The following TRPM7 variants were observed in gnomAD, a reference collection of about 807,000 sequenced individuals.
TRPM7 encodes the protein transient receptor potential cation channel subfamily M member 7.
TRPM7 carries 134 observed loss-of-function variants against 229.7 expected under a neutral mutation model. The observed-to-expected ratio is 0.58, with a 90% CI of 0.51 to 0.67. TRPM7 has a LOEUF of 0.67. Ranked by LOEUF, TRPM7 falls within the 30% of genes least tolerant of loss-of-function variation. The pLI is 0.00. For missense variants in TRPM7, 1,901 were observed against 2,210.0 expected, an observed-to-expected ratio of 0.86 and a Z score of 2.80; for synonymous variants, 699 against 715.2, an observed-to-expected ratio of 0.98 and a Z score of 0.36.
At chr15:50,650,746 A>T (rs558368686) in intron 3 of TRPM7, among the ~76,000 whole-genome samples, 13 of 152,286 alleles carry the variant, frequency 8.5e-5, no homozygotes, top group Admixed American at 5.9e-4. Flanking sequence ...CCATGCCCTG[A>T]CAAAGTTTAA....
chr15:50,626,160 T>C (rs1037295667), intron 11 of TRPM7, among the ~76,000 whole-genome samples: 1 of 152,200 alleles, frequency 6.6e-6, no homozygotes, highest in African/African-American at 2.4e-5. Flanking sequence ...TCTGACTTAT[T>C]ATGTGTTTTA....
chr15:50,662,194 A>C (rs1378526266), intron 2 of TRPM7, among the ~76,000 whole-genome samples: 1 of 152,164 alleles, frequency 6.6e-6, no homozygotes, highest in Non-Finnish European at 1.5e-5. Context: ...TCTACTAAAA[A>C]TACAAAAATT....
intron 21 of TRPM7, among the ~76,000 whole-genome samples, chr15:50,600,017 A>G (rs1389939100): frequency 2.0e-5 from 3 of 152,266 alleles, no homozygotes; most frequent in Middle Eastern, 3.2e-3. Flanking sequence ...ACATTTTGAC[A>G]TAATTATTTA....
At chr15:50,672,855 A>G (rs2062018598) in intron 1 of TRPM7, among the ~76,000 whole-genome samples, 1 of 133,910 alleles carries the variant, frequency 7.5e-6, no homozygotes, top group Non-Finnish European at 1.6e-5. Flanking sequence ...GGTTGCAGTG[A>G]GCCACTGCAC....
At position 50,615,163 on chromosome 15, in the gene TRPM7, C is replaced by CAAA. The variant is rs71124383; in HGVS notation, c.1495-903_1495-901dup. Among the ~76,000 whole-genome samples the CAAA allele has an allele frequency of 3.2e-4, 30 of 94,542 alleles. 2 individuals carry two copies. The highest frequency in any genetic ancestry group is 6.9e-4 in the South Asian group (2 of 2,912). 62.0% of individuals were successfully genotyped at this position (94,542 alleles called of 152,430 possible). ...GAGCGACAAGAGCGAGACTTTGTCTCAAAAAAAAAAAAAAAAAAAAAAAAA... is the reference window on the plus strand; with the variant it reads ...GAGCGACAAGAGCGAGACTTTGTCTCAAAAAAAAAAAAAAAAAAAAAAAAAAAA... On this transcript the variant is annotated intron_variant, in intron 13 of 38. Transcript: ENST00000646667.
chr15:50,598,971 TA>T, intron 22 of TRPM7, 150 bp downstream of exon 22: 2 of 597,962 alleles, frequency 3.3e-6, no homozygotes, highest in Non-Finnish European at 5.7e-6. Flanking sequence ...AATTAATTTG[TA>T]TGTTTCTTCT....
At chr15:50,678,871 A>C (rs530114113) in intron 1 of TRPM7, among the ~76,000 whole-genome samples, 12 of 109,110 alleles carry the variant, frequency 1.1e-4, no homozygotes, top group Admixed American at 8.5e-4. Flanking sequence ...TCTTTGCAAA[A>C]ACAAAAAAAA....
intron 1 of TRPM7, among the ~76,000 whole-genome samples, chr15:50,668,077 C>G (rs1411872630): frequency 2.6e-5 from 4 of 152,156 alleles, no homozygotes; most frequent in African/African-American, 9.7e-5. Context: ...TGTCCTAAGA[C>G]TTTTTGTCAT....
chr15:50,667,259 C>T (rs1021305960), intron 1 of TRPM7, among the ~76,000 whole-genome samples: 6 of 152,130 alleles, frequency 3.9e-5, no homozygotes, highest in Admixed American at 1.3e-4. Context: ...ACGCTTTCCT[C>T]GCCCTGTTCC....
chr15:50,679,538 A>ATATTTTTTT (rs1400383980), intron 1 of TRPM7, among the ~76,000 whole-genome samples: 1 of 43,902 alleles, frequency 2.3e-5, no homozygotes, highest in African/African-American at 1.1e-4. Context: ...ATATATATAT[A>ATATTTTTTT]TTTTTTTTTT....
chr15:50,653,663 C>T (rs2061483378), intron 3 of TRPM7, among the ~76,000 whole-genome samples: 1 of 151,912 alleles, frequency 6.6e-6, no homozygotes, highest in African/African-American at 2.4e-5. Flanking sequence ...AGACACTGGG[C>T]CAAGCAAGGA....
In TRPM7 at chr15:50,634,558, T is replaced by TA. The variant is rs766580009; in HGVS notation, c.833-3dup. 2.1e-6 allele frequency: 3 copies of TA among 1,399,674 alleles called. No homozygotes were observed. The highest frequency in any genetic ancestry group is 5.5e-5 in the East Asian group (2 of 36,534). The allele number at this position is 1,399,674 out of a possible 1,614,324, so 86.7% of individuals were successfully genotyped here. ...CCACAGGGACACCCTGGCCAATCCC[T>TA]AAAAAGAGCAAAGTTAAATTAAAAA... is the stretch of plus-strand genomic sequence containing the variant. On this transcript the variant is annotated splice_polypyrimidine_tract_variant and splice_region_variant and intron_variant, in intron 7 of 38. Transcript: ENST00000646667.
intron 21 of TRPM7, 187 bp downstream of exon 21, chr15:50,604,679 A>G (rs2059876217): frequency 1.8e-6 from 1 of 545,112 alleles, no homozygotes; most frequent in East Asian, 3.0e-5. Context: ...GCAAAGCACT[A>G]AATGGGTATA....
At position 50,648,846 on chromosome 15, in the gene TRPM7, A is replaced by G. The variant is rs1347248191; in HGVS notation, c.162T>C (p.Phe54=). 1 of 1,612,362 alleles carries G rather than the reference A, an allele frequency of 6.2e-7. No homozygotes were observed. Among genetic ancestry groups the G allele is most frequent in the Non-Finnish European group, 8.5e-7 (1 of 1,179,098 alleles). ...AGTATTTCATGGCAAGACTTGCAGT[A>G]AAACAAGCATGTTGCTTGACCAAGC... ...CGRLVKQHAC[F]TASLAMKYSD... Residue 54 remains phenylalanine (F), a synonymous_variant, in exon 4 of 39, where the codon TTT becomes TTC. Coordinates refer to ENST00000646667, the MANE Select transcript of TRPM7 (RefSeq NM_017672.6).
Position 50,624,147 on chromosome 15 carries a change from A to T in TRPM7, c.1440+19T>A. 1 of 1,587,712 alleles carries T rather than the reference A, an allele frequency of 6.3e-7. No individual in the cohort carries two copies. The highest frequency in any genetic ancestry group is 8.5e-7 in the Non-Finnish European group (1 of 1,170,778). On this transcript the variant is annotated intron_variant, in intron 12 of 38. Transcript: ENST00000646667. ...AAAAGATAAAATGTAGTCAATAAAG[A>T]ATTTTAATGTAGACTTACAGTGTTG...
In TRPM7 at chr15:50,616,209, TAA is replaced by T. The variant is rs373976931; in HGVS notation, c.1495-1948_1495-1947del. ...TGACGATCAAGTTCTCAAACTACAC[TAA>T]GTCATAAAACTCAAGTTACCAATTT... On this transcript the variant is annotated intron_variant, in intron 13 of 38. Coordinates refer to ENST00000646667, the MANE Select transcript of TRPM7 (RefSeq NM_017672.6). Among the ~76,000 whole-genome samples the T allele has an allele frequency of 3.3e-3, 508 of 152,320 alleles. 8 individuals are homozygous for T. The highest frequency in any genetic ancestry group is 6.8e-3 in the Middle Eastern group (2 of 294).
intron 29 of TRPM7, among the ~76,000 whole-genome samples, chr15:50,581,515 A>AAT (rs1306976028): frequency 1.3e-5 from 2 of 151,428 alleles, no homozygotes; most frequent in East Asian, 1.9e-4. Context: ...AAAAATAATA[A>AAT]ATATATATAT....
chr15:50,561,336 C>T lies in TRPM7; in HGVS notation c.*342G>A, dbSNP rs964865937. 5.7e-4 allele frequency: 104 copies of T among 183,760 alleles called. No homozygotes were observed. The highest frequency in any genetic ancestry group is 1.8e-4 in the South Asian group (1 of 5,464). 11.4% of individuals were successfully genotyped at this position (183,760 alleles called of 1,614,324 possible). A position where few individuals can be genotyped will look rare whatever the true frequency, so the allele number is the denominator to read the frequency against. On this transcript the variant is annotated 3_prime_UTR_variant, in exon 39 of 39. Coordinates refer to ENST00000646667, the MANE Select transcript of TRPM7 (RefSeq NM_017672.6). ...GCTGCCAATAAAATCTGCATGGACA[C>T]CTACCTTTGGTTAATGGTATTGTAC...
rs2060831645 is a variant in TRPM7 at position 50,634,522 on chromosome 15, TATA to T, written c.864_866del (p.Ile289del). ...GGATAACATTTGGCCCACCCTCAAATATAAGTGCCACCACAGGGACACCCTGGC... is the reference window on the plus strand; with the variant it reads ...GGATAACATTTGGCCCACCCTCAAATAGTGCCACCACAGGGACACCCTGGC... On this transcript the variant is annotated inframe_deletion, in exon 8 of 39. Coordinates refer to ENST00000646667, the MANE Select transcript of TRPM7 (RefSeq NM_017672.6). The T allele has an allele frequency of 6.5e-7, 1 of 1,529,204 alleles. No homozygotes were observed. The highest frequency in any genetic ancestry group is 1.4e-5 in the African/African-American group (1 of 69,870). 94.7% of individuals were successfully genotyped at this position (1,529,204 alleles called of 1,614,324 possible).
Sources: gnomAD v4.1 joint callset for allele counts (sites outside exome capture counted in the v4.1 genomes callset) on GRCh38, gnomAD v4.1.1 for gene constraint, MANE v1.5 for transcripts, NCBI Gene and HGNC (gene_info 2026-07-23, HGNC 2026-07-21) for gene names.